NXN: variants seen among roughly 807,000 people sequenced by gnomAD.
The protein encoded by NXN is nucleoredoxin 1.
NXN carries 16 observed loss-of-function variants against 48.6 expected under a neutral mutation model. That is an observed-to-expected ratio of 0.33 (90% CI 0.22 to 0.50). The LOEUF is 0.50. Among genes scored for constraint, NXN ranks in the 20% least tolerant of loss-of-function variants. The pLI, the probability that NXN is intolerant of heterozygous loss-of-function variation, is 0.98. For synonymous variants in NXN, 281 were observed against 269.6 expected (o/e 1.04, Z -0.41); for missense variants, 492 against 605.5 (o/e 0.81, Z 1.97).
At chr17:976,826 G>C (rs1045081157) in intron 1 of NXN, among the ~76,000 whole-genome samples, 11 of 151,734 alleles carry the variant, frequency 7.2e-5, no homozygotes, top group South Asian at 6.2e-4. Context: ...GGGTGCAATG[G>C]TGCGATCTCG....
rs1567824741 is a variant in NXN at position 836,033 on chromosome 17, AG to A, written c.361-9956del. Among the ~76,000 whole-genome samples the A allele has an allele frequency of 2.4e-5, 2 of 83,586 alleles. 1 individual carries two copies. The highest frequency in any genetic ancestry group is 1.3e-4 in the African/African-American group (2 of 15,706). The allele number at this position is 83,586 out of a possible 152,430, so 54.8% of individuals were successfully genotyped here. A position where few individuals can be genotyped will look rare whatever the true frequency, so the allele number is the denominator to read the frequency against. ...ATTCGTCAGCCCCCACAGAGGCCGC[AG>A]GGGAAAAACACCGGTGGGATTCGTC... On this transcript the variant is annotated intron_variant, in intron 1 of 7. Coordinates refer to ENST00000336868, the MANE Select transcript of NXN (RefSeq NM_022463.5).
rs1336016793 is a variant in NXN at position 849,032 on chromosome 17, C to T, written c.361-22954G>A. On this transcript the variant is annotated intron_variant, in intron 1 of 7. Coordinates refer to ENST00000336868, the MANE Select transcript of NXN (RefSeq NM_022463.5). The surrounding 1 kb of genome is among the most constrained non-coding windows in gnomAD (Gnocchi z 4.2). ...GGGGTCAGATCAAGACAAAGGTCTT[C>T]GCCTTCGAGAAAGGAAGGGAGCCTG... Among the ~76,000 whole-genome samples the T allele has an allele frequency of 6.6e-6, 1 of 152,208 alleles. No homozygotes were observed. Among genetic ancestry groups the T allele is most frequent in the East Asian group, 1.9e-4 (1 of 5,190 alleles).
chr17:868,714 G>A (rs1424657752), intron 1 of NXN, among the ~76,000 whole-genome samples: 3 of 152,036 alleles, frequency 2.0e-5, no homozygotes, highest in East Asian at 1.9e-4. Context: ...GGATGGTCTC[G>A]ATTTCCTGAC....
At position 919,132 on chromosome 17, in the gene NXN, C is replaced by G. The variant is rs2068719566; in HGVS notation, c.360+60187G>C. Among the ~76,000 whole-genome samples, 1 of 151,944 alleles carries G rather than the reference C, an allele frequency of 6.6e-6. No individual in the cohort carries two copies. The highest frequency in any genetic ancestry group is 1.5e-5 in the Non-Finnish European group (1 of 68,022). On this transcript the variant is annotated intron_variant, in intron 1 of 7. Coordinates refer to ENST00000336868, the MANE Select transcript of NXN (RefSeq NM_022463.5). This position sits in a 1 kb window ranked among gnomAD's most constrained non-coding sequence, Gnocchi z 5.1. ...CCTGTAATCCCAGCACTTTGGGAGG[C>G]TGAGGGTGGATCACGAGGTCAGGAG...
intron 1 of NXN, among the ~76,000 whole-genome samples, chr17:851,314 AG>A (rs1460663513): frequency 6.6e-6 from 1 of 152,282 alleles, no homozygotes. Flanking sequence ...GACAAAAGAC[AG>A]CGCAAGCCTC....
In NXN at chr17:882,480, T is replaced by TTTTG. The variant is rs1269592450; in HGVS notation, c.361-56406_361-56403dup. ...CTTTTGTTTGTTTTGTTTTGTTTTG[T>TTTTG]TTTGAGATGGAGTCTCGCTCTGTCA... On this transcript the variant is annotated intron_variant, in intron 1 of 7. Transcript: ENST00000336868. 1.3e-5 allele frequency among the ~76,000 whole-genome samples: 2 copies of TTTTG among 152,086 alleles called. 1 individual carries two copies. Among genetic ancestry groups the TTTTG allele is most frequent in the Non-Finnish European group, 2.9e-5 (2 of 67,998 alleles).
chr17:925,102 T>G (rs2068786181), intron 1 of NXN, among the ~76,000 whole-genome samples: 1 of 152,136 alleles, frequency 6.6e-6, no homozygotes, highest in African/African-American at 2.4e-5. Context: ...TTGTCTCAGG[T>G]TTGACTGTCT....
intron 1 of NXN, among the ~76,000 whole-genome samples, chr17:851,298 C>T (rs1163846783): frequency 1.3e-5 from 2 of 152,264 alleles, no homozygotes; most frequent in Non-Finnish European, 2.9e-5. Flanking sequence ...GAAATGAAGA[C>T]GCCAGGACAA....
intron 1 of NXN, among the ~76,000 whole-genome samples, chr17:911,539 C>T (rs1393914963): frequency 6.6e-6 from 1 of 151,888 alleles, no homozygotes; most frequent in African/African-American, 2.4e-5. Flanking sequence ...CCGTGTTAGC[C>T]AGGATGGTCT....
At chr17:951,920 G>C (rs1047935122) in intron 1 of NXN, among the ~76,000 whole-genome samples, 10 of 152,182 alleles carry the variant, frequency 6.6e-5, no homozygotes, top group African/African-American at 2.2e-4. Context: ...GAATGCACCA[G>C]AGCCTGAGTC....
intron 1 of NXN, among the ~76,000 whole-genome samples, chr17:841,122 A>C (rs546344574): frequency 6.6e-6 from 1 of 152,254 alleles, no homozygotes; most frequent in South Asian, 2.1e-4. Context: ...CCTCCCTGCT[A>C]GGGTTACTGT....
intron 1 of NXN, chr17:896,810 C>G (rs7207312): frequency 0.19 from 205,826 of 1,112,296 alleles, 21,549 homozygotes; most frequent in Middle Eastern, 0.36. Flanking sequence ...GACACTTGAA[C>G]CTCTGCAGAT....
chr17:907,493 C>T (rs377480090), intron 1 of NXN, among the ~76,000 whole-genome samples: 3 of 152,110 alleles, frequency 2.0e-5, no homozygotes, highest in African/African-American at 7.2e-5. Context: ...GTGCCCGCCA[C>T]CACGCCAGGC....
intron 1 of NXN, among the ~76,000 whole-genome samples, chr17:961,476 G>A (rs377532645): frequency 6.6e-6 from 1 of 152,164 alleles, no homozygotes; most frequent in East Asian, 1.9e-4. Flanking sequence ...AACATTCAGA[G>A]GATTTCCAGG....
At chr17:829,405 T>A (rs1433357000) in intron 1 of NXN, among the ~76,000 whole-genome samples, 1 of 151,754 alleles carries the variant, frequency 6.6e-6, no homozygotes, top group African/African-American at 2.4e-5. Flanking sequence ...TCCGCCCACC[T>A]CGGCCTCCCA....
intron 2 of NXN, among the ~76,000 whole-genome samples, chr17:824,219 A>G (rs1912975911): frequency 6.7e-6 from 1 of 149,476 alleles, no homozygotes; most frequent in African/African-American, 2.5e-5. Context: ...TTTTTTTTCT[A>G]TTTATTTTTA....
In NXN at chr17:932,569, G is replaced by C. The variant is rs2150598156; in HGVS notation, c.360+46750C>G. ...CTGAGCCCCTTCTAAGAAAACACAGGCTGGATTTTAAAGGATCTCTAGGGC... is the reference window on the plus strand; with the variant it reads ...CTGAGCCCCTTCTAAGAAAACACAGCCTGGATTTTAAAGGATCTCTAGGGC... On this transcript the variant is annotated intron_variant, in intron 1 of 7. Coordinates refer to ENST00000336868, the MANE Select transcript of NXN (RefSeq NM_022463.5). The surrounding 1 kb of genome is among the most constrained non-coding windows in gnomAD (Gnocchi z 4.1). Among the ~76,000 whole-genome samples the C allele has an allele frequency of 6.6e-6, 1 of 152,320 alleles. No homozygotes were observed. Among genetic ancestry groups the C allele is most frequent in the East Asian group, 1.9e-4 (1 of 5,188 alleles).
chr17:912,740 G>T (rs1275349297), intron 1 of NXN, among the ~76,000 whole-genome samples: 1 of 152,144 alleles, frequency 6.6e-6, no homozygotes, highest in African/African-American at 2.4e-5. Context: ...ATCACCTGAG[G>T]TCAGGAGTTC....
At chr17:807,262 T>TC (rs1405376031) in intron 5 of NXN, among the ~76,000 whole-genome samples, 1 of 150,102 alleles carries the variant, frequency 6.7e-6, no homozygotes, top group African/African-American at 2.5e-5. Context: ...GCAAGGTCCT[T>TC]CCTCAGAGTA....
Sources: allele counts gnomAD v4.1 joint callset (sites outside exome capture counted in the v4.1 genomes callset), GRCh38; gene constraint gnomAD v4.1.1; non-coding constraint Gnocchi (gnomAD v3.1); transcripts MANE v1.5; gene names NCBI Gene and HGNC (gene_info 2026-07-23, HGNC 2026-07-21).